The following STK3 variants were observed in gnomAD, a reference collection of about 807,000 sequenced individuals.
STK3 encodes serine/threonine-protein kinase 3.
A neutral mutation model predicts 58.0 loss-of-function variants in STK3; 41 were observed. The ratio of observed to expected loss-of-function variants is 0.71; its 90% CI spans 0.55 to 0.92. The LOEUF (loss-of-function observed/expected upper bound fraction) is 0.92, where lower values mean the gene tolerates loss of function less well. STK3 is among the 40% of genes least tolerant of loss of function. The pLI, the probability that STK3 is intolerant of heterozygous loss-of-function variation, is 0.00. For synonymous variants in STK3, 170 were observed against 191.0 expected (o/e 0.89, Z 0.91); for missense variants, 479 against 602.7 (o/e 0.79, Z 2.15).
chr8:98,581,055 T>TA (rs978662216), intron 7 of STK3, among the ~76,000 whole-genome samples: 1 of 152,206 alleles, frequency 6.6e-6, no homozygotes, highest in Admixed American at 6.5e-5. Context: ...ACACCAAAAA[T>TA]AGAGTTGTGG....
At chr8:98,661,081 AT>A (rs1821931452) in intron 6 of STK3, among the ~76,000 whole-genome samples, 1 of 152,084 alleles carries the variant, frequency 6.6e-6, no homozygotes, top group African/African-American at 2.4e-5. Flanking sequence ...GTATAAATGT[AT>A]TTTTTTCTTT....
At chr8:98,911,348 G>A (rs1045676665) in intron 1 of STK3, among the ~76,000 whole-genome samples, 1 of 151,986 alleles carries the variant, frequency 6.6e-6, no homozygotes, top group African/African-American at 2.4e-5. Context: ...TACTAATGCA[G>A]CCACAAGGAT....
At chr8:98,860,348 TAGA>T (rs1049201152) in intron 3 of STK3, among the ~76,000 whole-genome samples, 1 of 152,180 alleles carries the variant, frequency 6.6e-6, no homozygotes, top group Admixed American at 6.5e-5. Context: ...ACCTGTTGAT[TAGA>T]AGGAGCCTGC....
chr8:98,674,719 T>C (rs1823073151), intron 6 of STK3, among the ~76,000 whole-genome samples: 1 of 152,192 alleles, frequency 6.6e-6, no homozygotes, highest in Non-Finnish European at 1.5e-5. Context: ...TTTCTACTAA[T>C]ATCTCAGAAG....
intron 1 of STK3, among the ~76,000 whole-genome samples, chr8:98,927,308 G>A (rs117301496): frequency 0.014 from 2,143 of 152,288 alleles, 20 homozygotes; most frequent in Non-Finnish European, 0.021. Flanking sequence ...TCCTTCCTTT[G>A]GGAATAACTT....
chr8:98,592,541 T>G (rs928679520), intron 7 of STK3, among the ~76,000 whole-genome samples: 4 of 151,876 alleles, frequency 2.6e-5, no homozygotes, highest in Admixed American at 1.3e-4. Flanking sequence ...GTTTTTGGGG[T>G]GTGTGTGTGA....
chr8:98,611,572 T>A (rs1024168977), intron 6 of STK3, among the ~76,000 whole-genome samples: 1 of 152,142 alleles, frequency 6.6e-6, no homozygotes, highest in Non-Finnish European at 1.5e-5. Flanking sequence ...TACCATAAGT[T>A]AATTAAAATG....
intron 2 of STK3, among the ~76,000 whole-genome samples, chr8:98,770,629 T>C (rs1831251139): frequency 6.6e-6 from 1 of 152,144 alleles, no homozygotes; most frequent in Admixed American, 6.5e-5. Context: ...GATACTAGAA[T>C]GGATATATAT....
chr8:98,672,735 A>G (rs1335704897), intron 6 of STK3, among the ~76,000 whole-genome samples: 1 of 152,340 alleles, frequency 6.6e-6, no homozygotes, highest in Admixed American at 6.5e-5. Context: ...GGTTAAGATG[A>G]TTTAATTTTC....
intron 1 of STK3, among the ~76,000 whole-genome samples, chr8:98,796,423 T>C (rs1290043820): frequency 6.6e-6 from 1 of 152,140 alleles, no homozygotes; most frequent in East Asian, 1.9e-4. Flanking sequence ...GGTGCTGGGA[T>C]AGCTGACTAG....
chr8:98,415,632 T>C (rs894868701), intron 3 of STK3, among the ~76,000 whole-genome samples: 1 of 152,210 alleles, frequency 6.6e-6, no homozygotes, highest in African/African-American at 2.4e-5. Context: ...AGGCTGCCAT[T>C]ATCTTTACCC....
rs1475233410 is a variant in STK3, at chr8:98,501,217, A to C, written c.1317+25525T>G. Among the ~76,000 whole-genome samples the C allele has an allele frequency of 2.0e-5, 3 of 151,384 alleles. No individual in the cohort carries two copies. In the East Asian group the frequency reaches 5.8e-4, roughly 29 times the overall value. Reference sequence around the variant, plus strand: ...GCTGCATAAATGTCTTCTTTTGAGAAGTGTCTGTTCATATCCTTTGCCCAC... The same window carrying C: ...GCTGCATAAATGTCTTCTTTTGAGACGTGTCTGTTCATATCCTTTGCCCAC... On this transcript the variant is annotated intron_variant, in intron 10 of 10. Transcript: ENST00000419617.
chr8:98,901,717 C>G lies in STK3; in HGVS notation c.-78-17883G>C, dbSNP rs112248306. On this transcript the variant is annotated intron_variant, in intron 1 of 1. Coordinates refer to the STK3 transcript ENST00000519420. ...TTGGGATGACCGAAGCCTCTGTGGC[C>G]TGGGATAGAGGCAGCTGGGGAGGTC... is the stretch of plus-strand genomic sequence containing the variant. 8.9e-3 allele frequency among the ~76,000 whole-genome samples: 1,354 copies of G among 152,328 alleles called. 17 individuals carry two copies. The highest frequency in any genetic ancestry group is 0.031 in the African/African-American group (1,271 of 41,554).
At chr8:98,760,660 C>T (rs1396890520) in intron 3 of STK3, among the ~76,000 whole-genome samples, 1 of 152,044 alleles carries the variant, frequency 6.6e-6, no homozygotes, top group South Asian at 2.1e-4. Flanking sequence ...TTTTTTCCTT[C>T]CCCTATTTAA....
intron 10 of STK3, among the ~76,000 whole-genome samples, chr8:98,468,866 T>G (rs1341884999): frequency 6.6e-6 from 1 of 152,134 alleles, no homozygotes; most frequent in Non-Finnish European, 1.5e-5. Flanking sequence ...ATCCCAGCAC[T>G]TTGGGAGGCT....
At chr8:98,461,808 C>T (rs1285693337) in intron 10 of STK3, among the ~76,000 whole-genome samples, 4 of 152,188 alleles carry the variant, frequency 2.6e-5, no homozygotes, top group Non-Finnish European at 5.9e-5. Context: ...AAAGATAGGA[C>T]CCCAGTCCCT....
Position 98,872,860 on chromosome 8 carries a change from T to G in STK3, c.110+10787A>C, listed in dbSNP as rs372831599. Among the ~76,000 whole-genome samples the G allele has an allele frequency of 1.9e-3, 297 of 152,340 alleles. 8 individuals carry two copies. In the South Asian group the frequency reaches 0.059, roughly 30 times the overall value. Reference sequence around the variant, plus strand: ...CTCCTTAGTTCTGCTCTGATCTTAGTTATTTCTTGCCTTCTGCTAGCTTTT... The same window carrying G: ...CTCCTTAGTTCTGCTCTGATCTTAGGTATTTCTTGCCTTCTGCTAGCTTTT... On this transcript the variant is annotated intron_variant, in intron 3 of 12. Coordinates refer to the STK3 transcript ENST00000523601.
At chr8:98,727,768 T>G (rs1284398992) in intron 4 of STK3, among the ~76,000 whole-genome samples, 1 of 152,184 alleles carries the variant, frequency 6.6e-6, no homozygotes, top group Non-Finnish European at 1.5e-5. Context: ...CCTGCTGCCT[T>G]CATTTTCCTA....
chr8:98,851,449 C>A (rs142717410), intron 3 of STK3, among the ~76,000 whole-genome samples: 44 of 152,326 alleles, frequency 2.9e-4, no homozygotes, highest in African/African-American at 9.4e-4. Flanking sequence ...AGCATCTTAT[C>A]TTGCCTTCTG....
Sources: gnomAD v4.1 joint callset for allele counts (sites outside exome capture counted in the v4.1 genomes callset) on GRCh38, gnomAD v4.1.1 for gene constraint, MANE v1.5 for transcripts, NCBI Gene and HGNC (gene_info 2026-07-23, HGNC 2026-07-21) for gene names.